The following BIRC6 variants were observed in gnomAD, a reference collection of about 807,000 sequenced individuals.
BIRC6 encodes baculoviral IAP repeat containing 6.
BIRC6 carries 98 observed loss-of-function variants against 503.3 expected under a neutral mutation model. The ratio of observed to expected loss-of-function variants is 0.19; its 90% CI spans 0.17 to 0.23. BIRC6 has a LOEUF of 0.23. Ranked by LOEUF, BIRC6 falls within the 10% of genes least tolerant of loss-of-function variation. The pLI is 1.00. For missense variants in BIRC6, 5,360 were observed against 5,806.0 expected, an observed-to-expected ratio of 0.92 and a Z score of 2.50; for synonymous variants, 2,240 against 2,078.7, an observed-to-expected ratio of 1.08 and a Z score of -2.11.
At chr2:32,607,399 A>G in intron 71 of BIRC6, 56 bp from the exon 72 acceptor site, 3 of 1,231,626 alleles carry the variant, frequency 2.4e-6, no homozygotes, top group East Asian at 2.5e-5. Flanking sequence ...GCAGGATATC[A>G]GTTAACCCAC....
chr2:32,516,812 TATAAC>T (rs2055098830), intron 55 of BIRC6, among the ~76,000 whole-genome samples: 1 of 152,106 alleles, frequency 6.6e-6, no homozygotes, highest in East Asian at 1.9e-4. Context: ...TGGTTAATCT[TATAAC>T]ATGGGGCTAG....
chr2:32,431,179 ATCT>A, intron 12 of BIRC6, 89 bp downstream of exon 12: 8 of 49,050 alleles, frequency 1.6e-4, no homozygotes, highest in Admixed American at 4.9e-4. Flanking sequence ...ATTACTGTTT[ATCT>A]TTTTTTTTTT....
rs1194271791 is a variant in BIRC6, at chr2:32,465,083, C to G, written c.5275C>G (p.Leu1759Val). The change falls in exon 26 of 74, where the codon CTA (leucine) becomes GTA (valine). Residue 1759 changes from leucine to valine, a missense_variant. By Grantham distance (32) the Leu-to-Val change is conservative. Around this residue, in one of 16 missense-constraint regions of BIRC6, gnomAD observed 2,299 missense variants for 2,267.2 expected, o/e 1.01. Coordinates refer to ENST00000421745, the MANE Select transcript of BIRC6 (RefSeq NM_016252.4). Reference protein sequence around the residue: ...KSRMNPLGSGLALAISHASHF... With the variant: ...KSRMNPLGSGVALAISHASHF... ...GCTCTAGAATCCACTTGGTTCTGGTCTAGCCCTTGCAATTTCTCATGCTTC... is the reference window on the plus strand; with the variant it reads ...GCTCTAGAATCCACTTGGTTCTGGTGTAGCCCTTGCAATTTCTCATGCTTC... 1.9e-6 allele frequency: 3 copies of G among 1,601,972 alleles called. No individual in the cohort carries two copies. Among genetic ancestry groups the G allele is most frequent in the South Asian group, 1.1e-5 (1 of 89,682 alleles).
At chr2:32,369,084 G>A (rs887946933) in intron 1 of BIRC6, among the ~76,000 whole-genome samples, 6 of 152,180 alleles carry the variant, frequency 3.9e-5, no homozygotes, top group Non-Finnish European at 8.8e-5. Context: ...TGGTGTTTGA[G>A]TAAAGATCTG....
At chr2:32,445,323 GTGT>G (rs1318300928) in intron 20 of BIRC6, among the ~76,000 whole-genome samples, 195 bp from the exon 21 acceptor site, 2 of 152,196 alleles carry the variant, frequency 1.3e-5, no homozygotes, top group East Asian at 1.9e-4. Flanking sequence ...GTGCCTCAGT[GTGT>G]TGTTTATATT....
intron 1 of BIRC6, among the ~76,000 whole-genome samples, chr2:32,364,893 C>T (rs767059445): frequency 7.2e-5 from 11 of 151,888 alleles, no homozygotes; most frequent in Non-Finnish European, 1.2e-4. Flanking sequence ...TGTGCAGTCT[C>T]CCAGTGATGG....
Position 32,388,919 on chromosome 2 carries a change from T to G in BIRC6, c.815T>G (p.Val272Gly). 1 of 1,603,656 alleles carries G rather than the reference T, an allele frequency of 6.2e-7. No individual in the cohort carries two copies. Among genetic ancestry groups the G allele is most frequent in the Non-Finnish European group, 8.5e-7 (1 of 1,175,784 alleles). Residue 272 changes from valine (V) to glycine (G), a missense_variant, in exon 4 of 74, where the codon GTG becomes GGG. Physicochemically the swap from Val to Gly is moderately radical, Grantham distance 109 (BLOSUM62 -3). Coordinates refer to ENST00000421745, the MANE Select transcript of BIRC6 (RefSeq NM_016252.4). ...LLPSARPELG[V>G]GPGRSVDRSL... is the part of the protein sequence containing the mutation. ...CCTAGTGCACGTCCAGAACTCGGAG[T>G]GGGGCCAGGCCGTTCTGTAGACAGG...
At position 32,357,097 on chromosome 2, in the gene BIRC6, C is replaced by A; in HGVS notation, c.-65C>A. ...CCCCTCCGGCCGGGCGATCGACGTT[C>A]CGCGTGCGTGCGGGCGCCTGACTTC... On this transcript the variant is annotated 5_prime_UTR_variant, in exon 1 of 74. Coordinates refer to ENST00000421745, the MANE Select transcript of BIRC6 (RefSeq NM_016252.4). This position sits in a 1 kb window ranked among gnomAD's most constrained non-coding sequence, Gnocchi z 4.9. The A allele has an allele frequency of 7.4e-7, 1 of 1,348,456 alleles. No individual in the cohort carries two copies. Among genetic ancestry groups the A allele is most frequent in the South Asian group, 1.5e-5 (1 of 64,852 alleles). The allele number at this position is 1,348,456 out of a possible 1,614,324, so 83.5% of individuals were successfully genotyped here.
intron 34 of BIRC6, 89 bp downstream of exon 34, chr2:32,476,433 A>T: frequency 1.5e-6 from 2 of 1,364,774 alleles, no homozygotes; most frequent in South Asian, 3.0e-5. Context: ...AATATACATT[A>T]CTCTGCTTAA....
At chr2:32,401,422 A>C (rs1300193360) in intron 7 of BIRC6, 37 bp downstream of exon 7, 10 of 1,612,772 alleles carry the variant, frequency 6.2e-6, no homozygotes, top group Non-Finnish European at 7.6e-6. Flanking sequence ...TTAGTAATTG[A>C]AAAAAGATCA....
At chr2:32,405,730 G>C (rs1481839462) in intron 8 of BIRC6, among the ~76,000 whole-genome samples, 2 of 152,156 alleles carry the variant, frequency 1.3e-5, no homozygotes, top group East Asian at 1.9e-4. Flanking sequence ...ATGTACATGT[G>C]AGTACACAAA....
At chr2:32,595,714 A>C (rs2061633578) in intron 68 of BIRC6, among the ~76,000 whole-genome samples, 1 of 152,230 alleles carries the variant, frequency 6.6e-6, no homozygotes, top group African/African-American at 2.4e-5. Flanking sequence ...TTGAGAAACA[A>C]CCTAAAAATC....
chr2:32,483,054 A>C (rs565356371), intron 39 of BIRC6, among the ~76,000 whole-genome samples: 2 of 151,000 alleles, frequency 1.3e-5, no homozygotes, highest in African/African-American at 2.4e-5. Context: ...AGTAGCTGGG[A>C]GTATAGGTGC....
intron 66 of BIRC6, among the ~76,000 whole-genome samples, chr2:32,578,128 A>G (rs181160157): frequency 3.9e-5 from 6 of 152,304 alleles, no homozygotes; most frequent in African/African-American, 1.4e-4. Context: ...GCACCGGTAA[A>G]GACTAATAAT....
chr2:32,484,550 C>CAA (rs1251134880), intron 39 of BIRC6, among the ~76,000 whole-genome samples: 16 of 69,632 alleles, frequency 2.3e-4, no homozygotes, highest in East Asian at 4.6e-4. Flanking sequence ...AACTCCAACT[C>CAA]AAAAAAAAAA....
intron 46 of BIRC6, among the ~76,000 whole-genome samples, 166 bp downstream of exon 46, chr2:32,500,275 A>G (rs1188796057): frequency 6.6e-6 from 1 of 152,060 alleles, no homozygotes; most frequent in Non-Finnish European, 1.5e-5. Flanking sequence ...GGCTTCAATT[A>G]ATGAATGAAA....
chr2:32,509,416 A>G (rs913346798), intron 51 of BIRC6, among the ~76,000 whole-genome samples: 3 of 151,904 alleles, frequency 2.0e-5, no homozygotes, highest in African/African-American at 7.2e-5. Flanking sequence ...CACCATGCCC[A>G]ACTAATCTTT....
intron 23 of BIRC6, among the ~76,000 whole-genome samples, chr2:32,462,110 G>C (rs1305806742): frequency 6.6e-6 from 1 of 151,522 alleles, no homozygotes; most frequent in African/African-American, 2.4e-5. Flanking sequence ...TGCCCATAAA[G>C]TGAATTGTAG....
chr2:32,483,344 C>T (rs924726355), intron 39 of BIRC6, among the ~76,000 whole-genome samples: 9 of 152,174 alleles, frequency 5.9e-5, no homozygotes, highest in African/African-American at 1.4e-4. Context: ...TTGAAACACA[C>T]ATTTACCAGA....
Sources: gnomAD v4.1 joint callset for allele counts (sites outside exome capture counted in the v4.1 genomes callset) on GRCh38, gnomAD v4.1.1 for gene constraint, gnomAD v4.1.1 regional missense constraint, Gnocchi (gnomAD v3.1) non-coding constraint, MANE v1.5 for transcripts, NCBI Gene and HGNC (gene_info 2026-07-23, HGNC 2026-07-21) for gene names.